Variants in CLYBL observed in about 807,000 individuals in gnomAD.
CLYBL encodes citramalyl-CoA lyase, mitochondrial.
CLYBL carries 31 observed loss-of-function variants against 38.9 expected under a neutral mutation model. The observed-to-expected ratio is 0.80, with a 90% confidence interval of 0.60 to 1.08. The LOEUF is 1.08. CLYBL is among the 50% of genes least tolerant of loss of function. CLYBL has a pLI of 0.00. For synonymous variants in CLYBL, 171 were observed against 158.6 expected, an observed-to-expected ratio of 1.08 and a Z score of -0.59; for missense variants, 434 against 411.6, an observed-to-expected ratio of 1.05 and a Z score of -0.47.
intron 7 of CLYBL, among the ~76,000 whole-genome samples, chr13:99,874,621 A>G (rs1045331331): frequency 3.2e-4 from 49 of 152,202 alleles, no homozygotes; most frequent in Admixed American, 1.4e-3. Context: ...TCTAATATTG[A>G]TATCAATAGA....
intron 1 of CLYBL, among the ~76,000 whole-genome samples, chr13:99,697,455 C>T (rs964122000): frequency 6.6e-6 from 1 of 152,170 alleles, no homozygotes; most frequent in African/African-American, 2.4e-5. Flanking sequence ...TGGCTCACTG[C>T]AACCTCTGCC....
chr13:99,623,672 A>T (rs2046828631), intron 1 of CLYBL, among the ~76,000 whole-genome samples: 1 of 152,182 alleles, frequency 6.6e-6, no homozygotes, highest in Non-Finnish European at 1.5e-5. Flanking sequence ...GAAGTAAATG[A>T]TGAGATGAGT....
intron 7 of CLYBL, among the ~76,000 whole-genome samples, chr13:99,879,773 TCAAA>T (rs1287515276): frequency 2.0e-5 from 3 of 152,122 alleles, no homozygotes; most frequent in Non-Finnish European, 4.4e-5. Flanking sequence ...CACTTAGAAT[TCAAA>T]CAGTCTGCTT....
At chr13:99,617,805 C>G (rs2046735849) in intron 1 of CLYBL, among the ~76,000 whole-genome samples, 1 of 152,172 alleles carries the variant, frequency 6.6e-6, no homozygotes, top group Non-Finnish European at 1.5e-5. Context: ...TCCTCTCTCC[C>G]TAGCCTGTTG....
At chr13:99,871,480 G>T (rs1160998013) in intron 7 of CLYBL, among the ~76,000 whole-genome samples, 1 of 152,096 alleles carries the variant, frequency 6.6e-6, no homozygotes, top group East Asian at 1.9e-4. Context: ...TTTAATTTGG[G>T]GGGAAAAAAG....
chr13:99,747,083 C>G (rs1390816168), intron 1 of CLYBL, among the ~76,000 whole-genome samples: 1 of 152,186 alleles, frequency 6.6e-6, no homozygotes, highest in Non-Finnish European at 1.5e-5. Flanking sequence ...TCCTCCTTCT[C>G]TCACCAAAAG....
chr13:99,656,528 G>A (rs146774342), intron 1 of CLYBL, among the ~76,000 whole-genome samples: 2 of 152,210 alleles, frequency 1.3e-5, no homozygotes, highest in African/African-American at 4.8e-5. Context: ...TACCTTCAAA[G>A]CCTCCCACCT....
chr13:99,632,525 T>C (rs1366133732), intron 1 of CLYBL, among the ~76,000 whole-genome samples: 1 of 152,196 alleles, frequency 6.6e-6, no homozygotes, highest in Non-Finnish European at 1.5e-5. Flanking sequence ...ACGGATTGCC[T>C]GAGGTCAGAA....
intron 1 of CLYBL, among the ~76,000 whole-genome samples, chr13:99,750,735 T>TAAA (rs11375965): frequency 6.7e-6 from 1 of 149,780 alleles, no homozygotes; most frequent in Non-Finnish European, 1.5e-5. Context: ...CCTCTTTTTT[T>TAAA]AAAAAAAAAA....
intron 2 of CLYBL, among the ~76,000 whole-genome samples, chr13:99,826,734 G>A (rs1303643002): frequency 6.6e-6 from 1 of 152,214 alleles, no homozygotes; most frequent in East Asian, 1.9e-4. Context: ...GAAGTGGGGA[G>A]TTCAAATCAT....
rs1246609705 is a variant in CLYBL, at chr13:99,682,684, T to TA, written c.62+75935dup. ...TATACTTAGACTATACTACATTTAT[T>TA]AAAAAAAACAAAAAACTTTTCTTCA... On this transcript the variant is annotated intron_variant, in intron 1 of 8. Coordinates refer to ENST00000339105, the MANE Select transcript of CLYBL (RefSeq NM_206808.5). Among the ~76,000 whole-genome samples the TA allele has an allele frequency of 5.3e-5, 8 of 151,740 alleles. No homozygotes were observed. The East Asian group carries it at 5.8e-4, about 11-fold the overall frequency.
intron 2 of CLYBL, among the ~76,000 whole-genome samples, chr13:99,838,636 C>T (rs1211323193): frequency 6.6e-6 from 1 of 152,110 alleles, no homozygotes; most frequent in East Asian, 1.9e-4. Flanking sequence ...AAACATTTCA[C>T]ATTCTTTTTC....
At chr13:99,709,867 C>T (rs940816073) in intron 1 of CLYBL, among the ~76,000 whole-genome samples, 1 of 149,214 alleles carries the variant, frequency 6.7e-6, no homozygotes, top group Admixed American at 6.7e-5. Context: ...GAGAGAGCTT[C>T]GCCACTGCAT....
At chr13:99,867,611 G>C (rs1461119201) in intron 6 of CLYBL, among the ~76,000 whole-genome samples, 1 of 152,116 alleles carries the variant, frequency 6.6e-6, no homozygotes, top group Non-Finnish European at 1.5e-5. Context: ...GAGGAAGAAA[G>C]GAGTCCTCTG....
intron 2 of CLYBL, among the ~76,000 whole-genome samples, chr13:99,854,810 G>A (rs117152160): frequency 3.8e-4 from 58 of 152,286 alleles, no homozygotes; most frequent in Middle Eastern, 3.4e-3. Context: ...TTCCCCAGGT[G>A]ATAGGAATCC....
intron 1 of CLYBL, among the ~76,000 whole-genome samples, chr13:99,635,808 C>T (rs1025000221): frequency 1.3e-5 from 2 of 152,294 alleles, no homozygotes; most frequent in Middle Eastern, 3.4e-3. Context: ...TTAATCTCCC[C>T]AGTCTCAGTT....
At chr13:99,638,607 A>C (rs569509278) in intron 1 of CLYBL, among the ~76,000 whole-genome samples, 1 of 152,242 alleles carries the variant, frequency 6.6e-6, no homozygotes, top group African/African-American at 2.4e-5. Context: ...ATACCTGTGT[A>C]CATTTTTTGA....
intron 2 of CLYBL, among the ~76,000 whole-genome samples, chr13:99,782,862 A>C (rs1474141105): frequency 6.6e-6 from 1 of 152,078 alleles, no homozygotes; most frequent in Non-Finnish European, 1.5e-5. Flanking sequence ...TGCTGAGTAC[A>C]CGTAGTTGGA....
intron 1 of CLYBL, among the ~76,000 whole-genome samples, chr13:99,634,064 C>T (rs1015393441): frequency 2.0e-5 from 3 of 152,106 alleles, no homozygotes; most frequent in African/African-American, 4.8e-5. Context: ...AAAACACACA[C>T]ATGCACATGA....
Sources: gnomAD v4.1 joint callset for allele counts (sites outside exome capture counted in the v4.1 genomes callset) on GRCh38, gnomAD v4.1.1 for gene constraint, MANE v1.5 for transcripts, NCBI Gene and HGNC (gene_info 2026-07-23, HGNC 2026-07-21) for gene names.